Variants in FAM168B observed in about 807,000 individuals in gnomAD.
FAM168B encodes the protein myelin-associated neurite-outgrowth inhibitor.
A neutral mutation model predicts 21.8 loss-of-function variants in FAM168B; 19 were observed. The ratio of observed to expected loss-of-function variants is 0.87; its 90% CI spans 0.61 to 1.28. The LOEUF is 1.28. Ranked by LOEUF, FAM168B falls within the 50% of genes most tolerant of loss-of-function variation. The probability of loss-of-function intolerance (pLI) is 0.00; values close to 1 mark genes in which losing one functional copy is unlikely to be tolerated. For missense variants in FAM168B, 233 were observed against 263.1 expected (o/e 0.89, Z 0.79); for synonymous variants, 126 against 104.8 (o/e 1.20, Z -1.24).
rs1056991570 is a variant in FAM168B at position 131,073,050 on chromosome 2, T to C, written c.71-1112A>G. 5.3e-5 allele frequency among the ~76,000 whole-genome samples: 8 copies of C among 152,334 alleles called. No homozygotes were observed. In the East Asian group the frequency reaches 1.5e-3, roughly 29 times the overall value. On this transcript the variant is annotated intron_variant, in intron 2 of 6. Transcript: ENST00000389915. ...GCTATTATTTTTTGTTGTAAGAAAC[T>C]GTTTTAAACTTCTAAATTCATTTCA...
At chr2:131,059,785 G>C (rs1273732894) in intron 3 of FAM168B, among the ~76,000 whole-genome samples, 24 of 152,122 alleles carry the variant, frequency 1.6e-4, no homozygotes, top group Non-Finnish European at 3.2e-4. Context: ...AATCTCAGTA[G>C]TGATAAAAAA....
At chr2:131,070,302 T>G (rs535466709) in intron 3 of FAM168B, among the ~76,000 whole-genome samples, 2 of 152,180 alleles carry the variant, frequency 1.3e-5, no homozygotes, top group East Asian at 3.9e-4. Context: ...TAAAAGCAAA[T>G]TCTTCACCAA....
Position 131,049,903 on chromosome 2 carries a change from T to C in FAM168B, c.*2562A>G, listed in dbSNP as rs948808183. ...TACTAGAAGCGAATGTTGATAAAAT[T>C]ACAACCTATGACAGTTTTGTGACTA... On this transcript the variant is annotated 3_prime_UTR_variant, in exon 7 of 7. Coordinates refer to ENST00000389915, the MANE Select transcript of FAM168B (RefSeq NM_001009993.4). 2 of 985,544 alleles carry C rather than the reference T, an allele frequency of 2.0e-6. No homozygotes were observed. The highest frequency in any genetic ancestry group is 4.7e-5 in the South Asian group (1 of 21,296). 61.0% of individuals were successfully genotyped at this position (985,544 alleles called of 1,614,324 possible).
intron 2 of FAM168B, among the ~76,000 whole-genome samples, chr2:131,075,875 G>T (rs902381570): frequency 6.6e-6 from 1 of 152,148 alleles, no homozygotes; most frequent in Non-Finnish European, 1.5e-5. Flanking sequence ...CTAGCCACCA[G>T]CAACAAGATG....
chr2:131,068,456 C>T (rs1692688203), intron 3 of FAM168B, among the ~76,000 whole-genome samples: 1 of 152,102 alleles, frequency 6.6e-6, no homozygotes, highest in Non-Finnish European at 1.5e-5. Flanking sequence ...CCACCGTGCC[C>T]GGCTGCCTTA....
chr2:131,080,690 GAC>G (rs1693388661), intron 2 of FAM168B, among the ~76,000 whole-genome samples: 1 of 147,444 alleles, frequency 6.8e-6, no homozygotes, highest in African/African-American at 2.5e-5. Context: ...TTTTTTTTGA[GAC>G]AGAGTCTTGC....
intron 3 of FAM168B, among the ~76,000 whole-genome samples, chr2:131,066,316 C>T (rs562655276): frequency 8.5e-5 from 13 of 152,146 alleles, no homozygotes; most frequent in African/African-American, 3.1e-4. Flanking sequence ...GCTGGGACTA[C>T]AGGCGCCCAC....
intron 5 of FAM168B, 32 bp from the exon 6 acceptor site, chr2:131,053,047 T>C: frequency 6.5e-7 from 1 of 1,538,712 alleles, no homozygotes; most frequent in Non-Finnish European, 8.8e-7. Context: ...GACATGAGGC[T>C]GACCTCCTGC....
chr2:131,066,703 G>C (rs924396551), intron 3 of FAM168B, among the ~76,000 whole-genome samples: 2 of 152,092 alleles, frequency 1.3e-5, no homozygotes, highest in African/African-American at 2.4e-5. Flanking sequence ...CCTCCCATAA[G>C]AAATCAAGGA....
At chr2:131,089,259 C>T (rs1350257113) in intron 1 of FAM168B, among the ~76,000 whole-genome samples, 1 of 150,862 alleles carries the variant, frequency 6.6e-6, no homozygotes, top group East Asian at 2.0e-4. Context: ...AGCCACTGCA[C>T]CGGGCCGAGC....
intron 5 of FAM168B, among the ~76,000 whole-genome samples, chr2:131,053,871 T>C (rs1405778281): frequency 6.6e-6 from 1 of 151,668 alleles, no homozygotes; most frequent in Non-Finnish European, 1.5e-5. Flanking sequence ...CAAGACCCTG[T>C]CTCAACAAAA....
intron 1 of FAM168B, among the ~76,000 whole-genome samples, chr2:131,086,881 C>T (rs1317871437): frequency 2.3e-4 from 23 of 100,794 alleles, no homozygotes; most frequent in African/African-American, 1.4e-3. Context: ...CTGGCTAACA[C>T]GGTGAAACCC....
chr2:131,048,076 G>T lies in FAM168B; in HGVS notation c.*4389C>A. On this transcript the variant is annotated 3_prime_UTR_variant, in exon 7 of 7. Transcript: ENST00000389915. ...CTTGGCATGGATACGTAAGTTCAAT[G>T]CAGAGGTGAGGGATGCCTTTAACAC... is the stretch of plus-strand genomic sequence containing the variant. 4.0e-6 allele frequency: 3 copies of T among 755,642 alleles called. No homozygotes were observed. The highest frequency in any genetic ancestry group is 5.4e-6 in the Non-Finnish European group (3 of 552,610). 46.8% of individuals were successfully genotyped at this position (755,642 alleles called of 1,614,324 possible). A position where few individuals can be genotyped will look rare whatever the true frequency, so the allele number is the denominator to read the frequency against.
intron 3 of FAM168B, among the ~76,000 whole-genome samples, chr2:131,064,168 T>C (rs1413620142): frequency 2.6e-5 from 4 of 152,146 alleles, no homozygotes; most frequent in Non-Finnish European, 4.4e-5. Flanking sequence ...GAAGAGGACA[T>C]GCACAGGGTC....
Position 131,055,614 on chromosome 2 carries a change from G to T in FAM168B, c.236C>A (p.Pro79His). The T allele has an allele frequency of 6.2e-7, 1 of 1,611,960 alleles. No individual in the cohort carries two copies. Among genetic ancestry groups the T allele is most frequent in the Non-Finnish European group, 8.5e-7 (1 of 1,178,944 alleles). ...AVPPYSSSPN[P>H]YQTAVYPVRS... ...CACAGGGTACACGGCAGTCTGGTAGGGGTTCGGGGAGGAGGAGTACGGTGG... is the reference window on the plus strand; with the variant it reads ...CACAGGGTACACGGCAGTCTGGTAGTGGTTCGGGGAGGAGGAGTACGGTGG... Residue 79 changes from proline (P) to histidine (H), a missense_variant, in exon 4 of 7, where the codon CCC becomes CAC. Physicochemically the swap from Pro to His is moderately conservative, Grantham distance 77 (BLOSUM62 -2). Transcript: ENST00000389915.
chr2:131,048,911 G>A lies in FAM168B; in HGVS notation c.*3554C>T. 1.0e-6 allele frequency: 1 copy of A among 985,996 alleles called. No individual in the cohort carries two copies. Among genetic ancestry groups the A allele is most frequent in the Non-Finnish European group, 1.2e-6 (1 of 830,074 alleles). The allele number at this position is 985,996 out of a possible 1,614,324, so 61.1% of individuals were successfully genotyped here. ...GGGCAACAGCCAAACTGGCGACAAT[G>A]GACACATCCAACAGTCAGCTGTCGG... On this transcript the variant is annotated 3_prime_UTR_variant, in exon 7 of 7. Coordinates refer to ENST00000389915, the MANE Select transcript of FAM168B (RefSeq NM_001009993.4).
At position 131,052,317 on chromosome 2, in the gene FAM168B, C is replaced by A; in HGVS notation, c.*148G>T. ...CAGCTGGAGACTAACGGCGCTGGGG[C>A]CTGCTGGGCCGGGATATAGTCGTGT... On this transcript the variant is annotated 3_prime_UTR_variant, in exon 7 of 7. Coordinates refer to ENST00000389915, the MANE Select transcript of FAM168B (RefSeq NM_001009993.4). 1 of 986,020 alleles carries A rather than the reference C, an allele frequency of 1.0e-6. No individual in the cohort carries two copies. Among genetic ancestry groups the A allele is most frequent in the Non-Finnish European group, 1.2e-6 (1 of 830,052 alleles). 61.1% of individuals were successfully genotyped at this position (986,020 alleles called of 1,614,324 possible). A position where few individuals can be genotyped will look rare whatever the true frequency, so the allele number is the denominator to read the frequency against.
chr2:131,061,790 A>G (rs1358342699), intron 3 of FAM168B, among the ~76,000 whole-genome samples: 1 of 152,100 alleles, frequency 6.6e-6, no homozygotes, highest in East Asian at 1.9e-4. Flanking sequence ...TCGAAAAAAA[A>G]AAAAAAGAAG....
In FAM168B at chr2:131,050,670, G is replaced by A. The variant is rs1214778544; in HGVS notation, c.*1795C>T. ...TAAGATGTGAAAAAGAAAATTATAA[G>A]AAGTACTTACTATAAAAAATAAGGT... On this transcript the variant is annotated 3_prime_UTR_variant, in exon 7 of 7. Transcript: ENST00000389915. 3.0e-6 allele frequency: 3 copies of A among 984,794 alleles called. No homozygotes were observed. Among genetic ancestry groups the A allele is most frequent in the East Asian group, 1.1e-4 (1 of 8,824 alleles). 61.0% of individuals were successfully genotyped at this position (984,794 alleles called of 1,614,324 possible).
Sources: gnomAD v4.1 joint callset for allele counts (sites outside exome capture counted in the v4.1 genomes callset) on GRCh38, gnomAD v4.1.1 for gene constraint, MANE v1.5 for transcripts, NCBI Gene and HGNC (gene_info 2026-07-23, HGNC 2026-07-21) for gene names.